Variants in PPA2 observed in about 807,000 individuals in gnomAD.
PPA2 encodes inorganic pyrophosphatase 2, mitochondrial.
Under a neutral mutation model 49.5 loss-of-function variants are expected in PPA2, and 48 were observed. The observed-to-expected ratio is 0.97, with a 90% CI of 0.77 to 1.23. PPA2 has a LOEUF of 1.23. Ranked by LOEUF, PPA2 falls within the 50% of genes most tolerant of loss-of-function variation. The pLI is 0.00. For synonymous variants in PPA2, 131 were observed against 139.9 expected (o/e 0.94, Z 0.45); for missense variants, 429 against 410.1 (o/e 1.05, Z -0.40).
intron 5 of PPA2, among the ~76,000 whole-genome samples, chr4:105,442,333 G>A (rs1379600093): frequency 6.6e-6 from 1 of 152,142 alleles, no homozygotes; most frequent in Non-Finnish European, 1.5e-5. Flanking sequence ...TGTAGGGTAG[G>A]TAGTATGATC....
intron 10 of PPA2, among the ~76,000 whole-genome samples, chr4:105,372,927 A>C (rs780474337): frequency 3.3e-5 from 5 of 152,258 alleles, no homozygotes; most frequent in Non-Finnish European, 5.9e-5. Flanking sequence ...AAAGCTGAAC[A>C]AACAGACTTT....
chr4:105,432,975 C>A (rs1723881840), intron 6 of PPA2, among the ~76,000 whole-genome samples: 1 of 152,064 alleles, frequency 6.6e-6, no homozygotes, highest in Non-Finnish European at 1.5e-5. Context: ...AATAAAAATA[C>A]CTGTTTCACA....
At chr4:105,451,046 GCC>G (rs763253179) in intron 3 of PPA2, among the ~76,000 whole-genome samples, 18 of 151,976 alleles carry the variant, frequency 1.2e-4, no homozygotes, top group Non-Finnish European at 2.2e-4. Context: ...TTTCGATCAT[GCC>G]ACACATCAAT....
intron 2 of PPA2, chr4:105,456,058 T>C (rs1178346725): frequency 3.0e-6 from 1 of 333,618 alleles, no homozygotes; most frequent in Non-Finnish European, 5.9e-6. Flanking sequence ...TTTGATTTGA[T>C]AGCATCAGTT....
chr4:105,465,015 TC>T (rs1286901941), intron 1 of PPA2, among the ~76,000 whole-genome samples: 2 of 152,228 alleles, frequency 1.3e-5, no homozygotes, highest in Non-Finnish European at 2.9e-5. Context: ...TACTGAATTT[TC>T]TATGCATTTC....
intron 1 of PPA2, chr4:105,473,317 T>G (rs939677080): frequency 8.2e-6 from 2 of 245,320 alleles, no homozygotes; most frequent in Non-Finnish European, 1.6e-5. Flanking sequence ...TGGATCACAC[T>G]CAGGGTGTAA....
rs115273428 is a variant in PPA2 at position 105,437,358 on chromosome 4, G to A, written c.528+592C>T. Among the ~76,000 whole-genome samples, 755 of 152,232 alleles carry A rather than the reference G, an allele frequency of 5.0e-3. 9 individuals carry two copies. The highest frequency in any genetic ancestry group is 0.017 in the African/African-American group (708 of 41,562). On this transcript the variant is annotated intron_variant, in intron 6 of 11. Transcript: ENST00000341695. ...AGAACAAGAAATAGTAACAATAAACGTAGTAGAAAATAGAAGAAAGAACTG... is the reference window on the plus strand; with the variant it reads ...AGAACAAGAAATAGTAACAATAAACATAGTAGAAAATAGAAGAAAGAACTG...
chr4:105,411,232 A>G (rs1722740838), intron 7 of PPA2, among the ~76,000 whole-genome samples: 1 of 152,194 alleles, frequency 6.6e-6, no homozygotes, highest in South Asian at 2.1e-4. Context: ...AGCAAATGGA[A>G]AGCAAAAAAA....
intron 7 of PPA2, among the ~76,000 whole-genome samples, chr4:105,403,472 G>A (rs1578823197): frequency 6.6e-6 from 1 of 151,832 alleles, no homozygotes; most frequent in Non-Finnish European, 1.5e-5. Flanking sequence ...TCTCCTTAAG[G>A]GAATTTTTGT....
intron 7 of PPA2, chr4:105,405,946 G>A (rs1046554081): frequency 2.5e-6 from 1 of 407,330 alleles, no homozygotes; most frequent in Non-Finnish European, 4.9e-6. Context: ...ATATTTCTGA[G>A]ACCTGTATCA....
chr4:105,467,206 A>G (rs369341177), intron 1 of PPA2, among the ~76,000 whole-genome samples: 3 of 152,338 alleles, frequency 2.0e-5, no homozygotes. Flanking sequence ...CAGAAGGAGT[A>G]ATATTTGATA....
chr4:105,449,422 CAA>C lies in PPA2; in HGVS notation c.268-21_268-20del. On this transcript the variant is annotated intron_variant, in intron 3 of 11. Transcript: ENST00000341695. ...ACAGATTCTGCAGTTAAAAACAAAA[CAA>C]AGAGAGAACATTAAAAATTTTACCT... 5 of 1,505,596 alleles carry C rather than the reference CAA, an allele frequency of 3.3e-6. No individual in the cohort carries two copies. The highest frequency in any genetic ancestry group is 3.6e-6 in the Non-Finnish European group (4 of 1,101,024). 93.3% of individuals were successfully genotyped at this position (1,505,596 alleles called of 1,614,324 possible).
intron 7 of PPA2, among the ~76,000 whole-genome samples, chr4:105,419,136 G>GT (rs761370170): frequency 2.1e-5 from 3 of 141,236 alleles, no homozygotes; most frequent in Admixed American, 2.0e-4. Flanking sequence ...TTAGTGCTCT[G>GT]TTTTTTTGTT....
At chr4:105,442,009 T>TC (rs1724393693) in intron 5 of PPA2, among the ~76,000 whole-genome samples, 3 of 145,146 alleles carry the variant, frequency 2.1e-5, no homozygotes, top group Non-Finnish European at 4.5e-5. Context: ...ACCATCACTT[T>TC]TTTTTTTTTT....
At chr4:105,371,273 A>G (rs1236014360) in intron 10 of PPA2, among the ~76,000 whole-genome samples, 1 of 152,212 alleles carries the variant, frequency 6.6e-6, no homozygotes, top group Non-Finnish European at 1.5e-5. Flanking sequence ...TAAAAAATTT[A>G]TCTGTCTTCT....
intron 9 of PPA2, among the ~76,000 whole-genome samples, chr4:105,396,022 G>A (rs1734126272): frequency 6.6e-6 from 1 of 152,034 alleles, no homozygotes; most frequent in African/African-American, 2.4e-5. Context: ...TCAATTAAAT[G>A]TCCATTTATT....
intron 10 of PPA2, among the ~76,000 whole-genome samples, chr4:105,376,438 C>A (rs1733255089): frequency 6.6e-6 from 1 of 152,140 alleles, no homozygotes; most frequent in South Asian, 2.1e-4. Flanking sequence ...CTTCAAAACA[C>A]CATCCATTTA....
chr4:105,419,955 C>CT (rs35268597), intron 7 of PPA2, among the ~76,000 whole-genome samples: 16,691 of 147,896 alleles, frequency 0.11, 976 homozygotes, highest in Non-Finnish European at 0.13. Context: ...CTTTTTCTTT[C>CT]TTTTTTTTTT....
At chr4:105,459,945 T>G (rs1049945462) in intron 1 of PPA2, among the ~76,000 whole-genome samples, 19 of 152,196 alleles carry the variant, frequency 1.2e-4, no homozygotes, top group African/African-American at 2.2e-4. Context: ...AAAAATTTTT[T>G]GGGGAGGGAC....
Sources: gnomAD v4.1 joint callset for allele counts (sites outside exome capture counted in the v4.1 genomes callset) on GRCh38, gnomAD v4.1.1 for gene constraint, MANE v1.5 for transcripts, NCBI Gene and HGNC (gene_info 2026-07-23, HGNC 2026-07-21) for gene names.